Variants in THSD7A observed in about 807,000 individuals in gnomAD.
The protein encoded by THSD7A is thrombospondin type-1 domain-containing protein 7A.
In THSD7A, 96 loss-of-function variants were observed where a neutral mutation model predicts 231.3. The observed-to-expected ratio is 0.41, with a 90% CI of 0.35 to 0.49. The LOEUF is 0.49. Among genes scored for constraint, THSD7A ranks in the 20% least tolerant of loss-of-function variants. The probability of loss-of-function intolerance (pLI) is 0.05; values close to 1 mark genes in which losing one functional copy is unlikely to be tolerated. For synonymous variants in THSD7A, 940 were observed against 743.3 expected (o/e 1.26, Z -4.30); for missense variants, 2,290 against 2,070.2 (o/e 1.11, Z -2.06).
intron 6 of THSD7A, among the ~76,000 whole-genome samples, chr7:11,488,833 A>G (rs12531326): frequency 0.13 from 20,260 of 151,948 alleles, 1,503 homozygotes; most frequent in Middle Eastern, 0.19. Context: ...GAAAGCTTTC[A>G]TTTTTCCATG....
rs1436760322 is a variant in THSD7A at position 11,831,568 on chromosome 7, T to C, written c.190+189A>G. Among the ~76,000 whole-genome samples the C allele has an allele frequency of 1.3e-5, 2 of 152,208 alleles. No individual in the cohort carries two copies. The highest frequency in any genetic ancestry group is 2.9e-5 in the Non-Finnish European group (2 of 68,034). ...CCAGCTACTCACTGTTGCCTCTTAG[T>C]TGTTATGCTTTTCTTTCCTAATTGC... On this transcript the variant is annotated intron_variant, in intron 1 of 27. Coordinates refer to ENST00000423059, the MANE Select transcript of THSD7A (RefSeq NM_015204.3). The surrounding 1 kb of genome is among the most constrained non-coding windows in gnomAD (Gnocchi z 5.0).
At chr7:11,676,566 G>A (rs1783645356) in intron 1 of THSD7A, among the ~76,000 whole-genome samples, 1 of 152,086 alleles carries the variant, frequency 6.6e-6, no homozygotes, top group South Asian at 2.1e-4. Flanking sequence ...GTTTAGAGAA[G>A]AACATAAATG....
intron 1 of THSD7A, among the ~76,000 whole-genome samples, chr7:11,660,136 C>T (rs57380018): frequency 2.6e-4 from 40 of 151,640 alleles, no homozygotes; most frequent in African/African-American, 8.9e-4. Flanking sequence ...GCAAGAAAGC[C>T]AATTTCTCCT....
intron 4 of THSD7A, among the ~76,000 whole-genome samples, chr7:11,589,641 T>C (rs1780074051): frequency 6.6e-6 from 1 of 152,182 alleles, no homozygotes. Context: ...AAATTGTATA[T>C]GTTAATATAC....
At chr7:11,596,366 A>G (rs535634405) in intron 2 of THSD7A, among the ~76,000 whole-genome samples, 2 of 152,302 alleles carry the variant, frequency 1.3e-5, no homozygotes, top group East Asian at 1.9e-4. Flanking sequence ...TATTGAGGTC[A>G]GGTAACTAAT....
chr7:11,767,837 A>G (rs746326951), intron 1 of THSD7A, among the ~76,000 whole-genome samples: 2 of 152,208 alleles, frequency 1.3e-5, no homozygotes, highest in Non-Finnish European at 2.9e-5. Context: ...CAGAAGCTCC[A>G]ACAAGGAAAC....
Position 11,406,247 on chromosome 7 carries a change from C to CCTTG in THSD7A, c.4237+49_4237+52dup. The CCTTG allele has an allele frequency of 1.3e-6, 2 of 1,541,706 alleles. No individual in the cohort carries two copies. The highest frequency in any genetic ancestry group is 1.8e-6 in the Non-Finnish European group (2 of 1,142,304). ...ACTTTATATGCAACCCCTTCACGGC[C>CCTTG]CTTGTCCTAGGAAAAAATAATCAGA... On this transcript the variant is annotated intron_variant, in intron 22 of 27. Transcript: ENST00000423059. This position sits in a 1 kb window ranked among gnomAD's most constrained non-coding sequence, Gnocchi z 4.7.
intron 4 of THSD7A, among the ~76,000 whole-genome samples, chr7:11,546,281 G>C (rs893225860): frequency 2.6e-5 from 4 of 151,924 alleles, no homozygotes; most frequent in African/African-American, 9.7e-5. Flanking sequence ...GCATGCCCAA[G>C]TGTGGACCCC....
Position 11,393,897 on chromosome 7 carries a change from A to G in THSD7A, c.4411+7898T>C, listed in dbSNP as rs191051465. 1.8e-3 allele frequency among the ~76,000 whole-genome samples: 275 copies of G among 152,018 alleles called. 2 individuals carry two copies. The highest frequency in any genetic ancestry group is 0.01 in the Middle Eastern group (3 of 294). On this transcript the variant is annotated intron_variant, in intron 23 of 27. Coordinates refer to ENST00000423059, the MANE Select transcript of THSD7A (RefSeq NM_015204.3). ...GACTAAATCTGCCTTTGATTGTTGT[A>G]CCTGAAAGTGATGGGGAGAATGGAA...
chr7:11,562,817 G>C (rs1790131036), intron 4 of THSD7A, among the ~76,000 whole-genome samples: 1 of 152,078 alleles, frequency 6.6e-6, no homozygotes. Flanking sequence ...CATGCCAAAG[G>C]GTGTTTTGGT....
intron 6 of THSD7A, among the ~76,000 whole-genome samples, chr7:11,523,869 T>G (rs986392289): frequency 6.6e-6 from 1 of 152,166 alleles, no homozygotes; most frequent in African/African-American, 2.4e-5. Context: ...CTTTAGTACA[T>G]ATTGTACACA....
chr7:11,634,598 CACACACACACACAT>C lies in THSD7A; in HGVS notation c.1022+1518_1022+1531del, dbSNP rs1251839819. ...CATGATACAGAATCAGAGGTACACA[CACACACACACACAT>C]ACACACACACACATTTAAGGAGTTG... On this transcript the variant is annotated intron_variant, in intron 2 of 27. Coordinates refer to ENST00000423059, the MANE Select transcript of THSD7A (RefSeq NM_015204.3). This position sits in a 1 kb window ranked among gnomAD's most constrained non-coding sequence, Gnocchi z 4.1. Among the ~76,000 whole-genome samples, 17 of 151,840 alleles carry C rather than the reference CACACACACACACAT, an allele frequency of 1.1e-4. No individual in the cohort carries two copies. The highest frequency in any genetic ancestry group is 3.9e-4 in the African/African-American group (16 of 41,348).
At chr7:11,668,094 G>C (rs978967972) in intron 1 of THSD7A, among the ~76,000 whole-genome samples, 5 of 151,734 alleles carry the variant, frequency 3.3e-5, no homozygotes, top group African/African-American at 1.2e-4. Context: ...AAGCCTAGTG[G>C]AGTGCTCTTT....
intron 6 of THSD7A, among the ~76,000 whole-genome samples, chr7:11,487,848 A>G (rs778134874): frequency 1.5e-4 from 23 of 152,170 alleles, no homozygotes; most frequent in Non-Finnish European, 3.2e-4. Context: ...GATTATTACA[A>G]TTCAAGGTGA....
chr7:11,782,841 T>C (rs1206508758), intron 1 of THSD7A, among the ~76,000 whole-genome samples: 2 of 152,198 alleles, frequency 1.3e-5, no homozygotes, highest in Non-Finnish European at 2.9e-5. Flanking sequence ...TACTTTGTTA[T>C]AGCATTTGCT....
intron 6 of THSD7A, among the ~76,000 whole-genome samples, chr7:11,509,937 G>A (rs1049427847): frequency 6.6e-6 from 1 of 151,748 alleles, no homozygotes; most frequent in Admixed American, 6.6e-5. Context: ...AATGAAAAGT[G>A]TTGGAGGTAA....
chr7:11,671,308 C>T (rs1005229564), intron 1 of THSD7A, among the ~76,000 whole-genome samples: 1 of 152,130 alleles, frequency 6.6e-6, no homozygotes, highest in Non-Finnish European at 1.5e-5. Context: ...ATTACCAACT[C>T]CTGGGATAAA....
chr7:11,541,951 G>GAT (rs1258059735), intron 5 of THSD7A, among the ~76,000 whole-genome samples: 1 of 151,958 alleles, frequency 6.6e-6, no homozygotes, highest in South Asian at 2.1e-4. Context: ...AACAGAGAGA[G>GAT]AGATAAATTT....
intron 1 of THSD7A, chr7:11,820,966 C>G: frequency 9.6e-7 from 1 of 1,041,106 alleles, no homozygotes; most frequent in Non-Finnish European, 1.4e-6. Context: ...CGTTCAATAT[C>G]AAGGCGGAGA....
Sources: allele counts gnomAD v4.1 joint callset (sites outside exome capture counted in the v4.1 genomes callset), GRCh38; gene constraint gnomAD v4.1.1; non-coding constraint Gnocchi (gnomAD v3.1); transcripts MANE v1.5; gene names NCBI Gene and HGNC (gene_info 2026-07-23, HGNC 2026-07-21).